Variants in UBP1 observed in about 807,000 individuals in gnomAD.
UBP1 encodes the protein upstream binding protein 1.
UBP1 carries 22 observed loss-of-function variants against 76.1 expected under a neutral mutation model. The observed-to-expected ratio is 0.29, with a 90% CI of 0.21 to 0.41. The LOEUF (loss-of-function observed/expected upper bound fraction) is 0.41. Among genes scored for constraint, UBP1 ranks in the 10% least tolerant of loss-of-function variants. The pLI is 1.00. For synonymous variants in UBP1, 224 were observed against 237.1 expected (o/e 0.94, Z 0.51); for missense variants, 436 against 668.1 (o/e 0.65, Z 3.83).
At chr3:33,439,096 G>A (rs867468238) in intron 1 of UBP1, among the ~76,000 whole-genome samples, 80 of 152,326 alleles carry the variant, frequency 5.3e-4, no homozygotes, top group African/African-American at 1.9e-3. Context: ...GGTACAGACA[G>A]CAGAGACTAA....
intron 7 of UBP1, 96 bp from the exon 8 acceptor site, chr3:33,408,893 T>C (rs1223080096): frequency 1.3e-5 from 15 of 1,117,180 alleles, no homozygotes; most frequent in Non-Finnish European, 2.0e-5. Context: ...ATTAAACAAA[T>C]GCATGACTAA....
intron 4 of UBP1, among the ~76,000 whole-genome samples, chr3:33,412,464 T>C (rs2044614212): frequency 6.6e-6 from 1 of 151,628 alleles, no homozygotes; most frequent in Non-Finnish European, 1.5e-5. Flanking sequence ...GCACCTGCAA[T>C]CCTAGCTACT....
intron 1 of UBP1, among the ~76,000 whole-genome samples, chr3:33,437,767 A>G (rs2045225656): frequency 6.6e-6 from 1 of 152,190 alleles, no homozygotes; most frequent in Non-Finnish European, 1.5e-5. Flanking sequence ...CCAGGCATGG[A>G]AAGTACAACT....
chr3:33,408,591 A>G (rs1350304206), intron 8 of UBP1, 99 bp downstream of exon 8: 12 of 926,962 alleles, frequency 1.3e-5, no homozygotes, highest in Non-Finnish European at 1.3e-5. Flanking sequence ...CATGGACATC[A>G]AAAACAATTT....
chr3:33,409,363 A>C lies in UBP1; in HGVS notation c.709-17T>G. ...ACCTTTAGGCTTAAAAACAAAGTAT[A>C]CTATTTCATCTATCAGGCTGCAGAC... On this transcript the variant is annotated splice_polypyrimidine_tract_variant and intron_variant, in intron 6 of 15. Transcript: ENST00000283629. The C allele has an allele frequency of 6.2e-7, 1 of 1,614,006 alleles. No homozygotes were observed. The highest frequency in any genetic ancestry group is 8.5e-7 in the Non-Finnish European group (1 of 1,179,970).
At chr3:33,431,907 C>T (rs911374492) in intron 1 of UBP1, among the ~76,000 whole-genome samples, 1 of 152,194 alleles carries the variant, frequency 6.6e-6, no homozygotes, top group South Asian at 2.1e-4. Context: ...ATGGTATAAA[C>T]TACAGAGCAG....
chr3:33,393,447 A>T lies in UBP1; in HGVS notation c.1398T>A (p.His466Gln). 6.3e-7 allele frequency: 1 copy of T among 1,593,178 alleles called. No homozygotes were observed. The highest frequency in any genetic ancestry group is 8.5e-7 in the Non-Finnish European group (1 of 1,174,162). ...CAATCATTTCTTCCAAGTAGATTGC[A>T]TGATAAACTGAAATTAAAAAAAAAA... ...ENGSGAPYVYHAIYLEEMIAS... is the reference protein window; with the variant it reads ...ENGSGAPYVYQAIYLEEMIAS... Residue 466 changes from histidine (H) to glutamine (Q), a missense_variant, in exon 14 of 16, where the codon CAT (histidine) becomes CAA (glutamine). By Grantham distance (24) the His-to-Gln change is conservative. Around this residue, in one of 3 missense-constraint regions of UBP1, gnomAD observed 210 missense variants for 272.8 expected, o/e 0.77. Transcript: ENST00000283629.
At chr3:33,433,832 G>A (rs527617780) in intron 1 of UBP1, among the ~76,000 whole-genome samples, 4 of 152,002 alleles carry the variant, frequency 2.6e-5, no homozygotes, top group African/African-American at 7.2e-5. Flanking sequence ...AGAATCCCTT[G>A]AGCCCAGGAA....
At chr3:33,421,044 G>A (rs950066812) in intron 2 of UBP1, among the ~76,000 whole-genome samples, 3 of 152,184 alleles carry the variant, frequency 2.0e-5, no homozygotes, top group African/African-American at 7.2e-5. Context: ...TCAGCAAGGG[G>A]GTAAGATCAG....
At chr3:33,429,131 A>G (rs2045069916) in intron 1 of UBP1, among the ~76,000 whole-genome samples, 1 of 152,234 alleles carries the variant, frequency 6.6e-6, no homozygotes, top group Non-Finnish European at 1.5e-5. Flanking sequence ...AGCATCTAGC[A>G]CAAAGGAGCT....
chr3:33,438,325 C>T (rs1190428279), intron 1 of UBP1, among the ~76,000 whole-genome samples: 1 of 152,200 alleles, frequency 6.6e-6, no homozygotes, highest in Non-Finnish European at 1.5e-5. Flanking sequence ...AGGAGAGACA[C>T]ATATTGAACT....
At chr3:33,429,342 G>A (rs775157833) in intron 1 of UBP1, among the ~76,000 whole-genome samples, 2 of 151,866 alleles carry the variant, frequency 1.3e-5, no homozygotes, top group African/African-American at 2.4e-5. Context: ...CTAAAAGTAG[G>A]GTGTTTCTTT....
Position 33,390,373 on chromosome 3 carries a change from A to C in UBP1, c.1586-5T>G, listed in dbSNP as rs758097229. On this transcript the variant is annotated splice_polypyrimidine_tract_variant and splice_region_variant and intron_variant, in intron 15 of 15. Transcript: ENST00000283629. ...GGATGCCATCACTACTTTCAGCTGC[A>C]GAAAAAGGAAAGACAGTATTTCTTC... The C allele has an allele frequency of 1.9e-6, 3 of 1,614,036 alleles. No homozygotes were observed. The highest frequency in any genetic ancestry group is 2.5e-6 in the Non-Finnish European group (3 of 1,179,986).
intron 1 of UBP1, among the ~76,000 whole-genome samples, chr3:33,431,947 A>G (rs920737501): frequency 3.3e-5 from 5 of 152,190 alleles, no homozygotes; most frequent in African/African-American, 1.2e-4. Flanking sequence ...AGCCAAGGTC[A>G]TGAACCAACC....
chr3:33,418,460 T>A (rs1006552464), intron 2 of UBP1, among the ~76,000 whole-genome samples: 1 of 151,878 alleles, frequency 6.6e-6, no homozygotes, highest in African/African-American at 2.4e-5. Context: ...GGTTTCGCCA[T>A]GTTGGCCAGG....
chr3:33,435,097 T>C (rs1396834071), intron 1 of UBP1, among the ~76,000 whole-genome samples: 2 of 152,248 alleles, frequency 1.3e-5, no homozygotes, highest in Non-Finnish European at 2.9e-5. Flanking sequence ...TTGCCAACCT[T>C]AGCTTTACAG....
chr3:33,392,481 A>G, intron 15 of UBP1, 82 bp downstream of exon 15: 1 of 1,187,792 alleles, frequency 8.4e-7, no homozygotes, highest in Non-Finnish European at 1.2e-6. Flanking sequence ...ATTTTAAAGA[A>G]TAAACACGAG....
intron 2 of UBP1, among the ~76,000 whole-genome samples, chr3:33,420,050 C>CAT (rs1333226319): frequency 1.3e-5 from 2 of 152,148 alleles, no homozygotes; most frequent in African/African-American, 4.8e-5. Flanking sequence ...TTTGAAGACA[C>CAT]ATACTCTAGT....
intron 10 of UBP1, 28 bp from the exon 11 acceptor site, chr3:33,400,310 A>G: frequency 1.3e-6 from 2 of 1,535,514 alleles, no homozygotes; most frequent in Non-Finnish European, 1.8e-6. Context: ...GAACATAAAT[A>G]AAAGGAACCA....
Sources: allele counts gnomAD v4.1 joint callset (sites outside exome capture counted in the v4.1 genomes callset), GRCh38; gene constraint gnomAD v4.1.1; regional missense constraint gnomAD v4.1.1; transcripts MANE v1.5; gene names NCBI Gene and HGNC (gene_info 2026-07-23, HGNC 2026-07-21).